The following ALKBH8 variants were observed in gnomAD, a reference collection of about 807,000 sequenced individuals.
The protein encoded by ALKBH8 is alkB homolog 8, tRNA methyltransferase.
Under a neutral mutation model 59.8 loss-of-function variants are expected in ALKBH8, and 36 were observed. The ratio of observed to expected loss-of-function variants is 0.60; its 90% CI spans 0.46 to 0.79. ALKBH8 has a LOEUF of 0.79. ALKBH8 is among the 30% of genes least tolerant of loss of function. ALKBH8 has a pLI of 0.00. For synonymous variants in ALKBH8, 276 were observed against 273.6 expected (o/e 1.01, Z -0.09); for missense variants, 768 against 801.0 (o/e 0.96, Z 0.50).
intron 8 of ALKBH8, among the ~76,000 whole-genome samples, chr11:107,526,890 T>C (rs1203498050): frequency 6.6e-6 from 1 of 151,996 alleles, no homozygotes; most frequent in Non-Finnish European, 1.5e-5. Flanking sequence ...CTTGTATGTA[T>C]GGAGTTATCT....
At chr11:107,545,368 CA>C (rs1864206066) in intron 7 of ALKBH8, among the ~76,000 whole-genome samples, 1 of 152,078 alleles carries the variant, frequency 6.6e-6, no homozygotes, top group Admixed American at 6.5e-5. Context: ...AAACAAAAAA[CA>C]ATGACTAAAA....
In ALKBH8 at chr11:107,553,054, CTAATA is replaced by C. The variant is rs1864560373; in HGVS notation, c.595+49_595+53del. 6 of 1,085,396 alleles carry C rather than the reference CTAATA, an allele frequency of 5.5e-6. No homozygotes were observed. The South Asian group carries it at 9.3e-5, about 17-fold the overall frequency. 67.2% of individuals were successfully genotyped at this position (1,085,396 alleles called of 1,614,324 possible). On this transcript the variant is annotated intron_variant, in intron 5 of 11. Transcript: ENST00000428149. ...ATAATCCCCCAACTATCATATTCTACTAATATATTAATATTTTTGAGCCAGAATTT... is the reference window on the plus strand; with the variant it reads ...ATAATCCCCCAACTATCATATTCTACTATTAATATTTTTGAGCCAGAATTT...
intron 7 of ALKBH8, among the ~76,000 whole-genome samples, chr11:107,544,950 A>G (rs1189016430): frequency 3.3e-5 from 5 of 152,166 alleles, no homozygotes; most frequent in Non-Finnish European, 7.4e-5. Flanking sequence ...AAAAATCATA[A>G]ATAAGCTATA....
In ALKBH8 at chr11:107,504,530, AT is replaced by A. The variant is rs1350941196; in HGVS notation, c.*127del. ...TCTCCTAATGAATCCCTACTTCCAAATTTTTCTCAGCTTTCCTTTGGTACTT... is the reference window on the plus strand; with the variant it reads ...TCTCCTAATGAATCCCTACTTCCAAATTTTCTCAGCTTTCCTTTGGTACTT... On this transcript the variant is annotated 3_prime_UTR_variant, in exon 12 of 12. Transcript: ENST00000428149. 8.1e-7 allele frequency: 1 copy of A among 1,231,976 alleles called. No individual in the cohort carries two copies. The allele number at this position is 1,231,976 out of a possible 1,614,324, so 76.3% of individuals were successfully genotyped here.
chr11:107,553,167 A>C lies in ALKBH8; in HGVS notation c.536T>G (p.Phe179Cys). ...KSLKHRRVKH[F>C]GYEFHYENNN... Reference sequence around the variant, plus strand: ...GTTCTCATAGTGGAACTCATAACCAAAATGCTTTACTCTTCTGTGTTTTAA... The same window carrying C: ...GTTCTCATAGTGGAACTCATAACCACAATGCTTTACTCTTCTGTGTTTTAA... The change falls in exon 5 of 12, where the codon TTT becomes TGT. Residue 179 changes from phenylalanine (F) to cysteine (C), a missense_variant. Phe to Cys is a radical substitution (Grantham distance 205, BLOSUM62 -2). Transcript: ENST00000428149. 6.2e-7 allele frequency: 1 copy of C among 1,610,082 alleles called. No homozygotes were observed. Among genetic ancestry groups the C allele is most frequent in the South Asian group, 1.1e-5 (1 of 90,412 alleles).
chr11:107,514,412 C>T (rs1862770513), intron 10 of ALKBH8, among the ~76,000 whole-genome samples: 1 of 152,104 alleles, frequency 6.6e-6, no homozygotes, highest in African/African-American at 2.4e-5. Context: ...TAAACAGCTT[C>T]TATATTTTAT....
At chr11:107,519,380 C>T (rs1863011046) in intron 10 of ALKBH8, among the ~76,000 whole-genome samples, 1 of 152,192 alleles carries the variant, frequency 6.6e-6, no homozygotes, top group East Asian at 1.9e-4. Flanking sequence ...GCTGGGATTA[C>T]AGGCATAAGC....
chr11:107,517,831 G>A (rs1235905745), intron 10 of ALKBH8, among the ~76,000 whole-genome samples: 3 of 152,188 alleles, frequency 2.0e-5, no homozygotes, highest in Non-Finnish European at 2.9e-5. Flanking sequence ...AAATTCCACA[G>A]ATCTACTGTA....
At chr11:107,515,165 T>C (rs914534190) in intron 10 of ALKBH8, among the ~76,000 whole-genome samples, 21 of 152,176 alleles carry the variant, frequency 1.4e-4, no homozygotes, top group African/African-American at 4.1e-4. Flanking sequence ...TCTTCCCTCT[T>C]TCCATTTTTA....
intron 10 of ALKBH8, among the ~76,000 whole-genome samples, chr11:107,517,260 GA>G (rs577777500): frequency 4.7e-4 from 72 of 152,174 alleles, no homozygotes; most frequent in Non-Finnish European, 9.0e-4. Flanking sequence ...AGAGACAAAA[GA>G]TAACAAACGG....
chr11:107,508,782 G>A (rs1328886390), intron 11 of ALKBH8, among the ~76,000 whole-genome samples: 1 of 152,072 alleles, frequency 6.6e-6, no homozygotes, highest in Non-Finnish European at 1.5e-5. Context: ...TTTTGCATCT[G>A]GCTTATTTCA....
intron 10 of ALKBH8, among the ~76,000 whole-genome samples, chr11:107,517,294 G>C (rs141541062): frequency 1.1e-3 from 161 of 152,222 alleles, no homozygotes; most frequent in African/African-American, 3.8e-3. Flanking sequence ...GGGGAAAAGG[G>C]AATCCTGGCA....
chr11:107,562,866 G>C (rs546849227), intron 1 of ALKBH8: 2 of 152,154 alleles, frequency 1.3e-5, no homozygotes, highest in Non-Finnish European at 2.9e-5. Context: ...AAAGAGGAAG[G>C]GTGAGTGAAA....
At chr11:107,519,763 C>T (rs927999021) in intron 10 of ALKBH8, among the ~76,000 whole-genome samples, 2 of 152,124 alleles carry the variant, frequency 1.3e-5, no homozygotes, top group East Asian at 1.9e-4. Flanking sequence ...TTCAAATTTT[C>T]GTATTAGGGA....
chr11:107,548,631 CACT>C (rs1864364091), intron 7 of ALKBH8, among the ~76,000 whole-genome samples: 1 of 152,104 alleles, frequency 6.6e-6, no homozygotes, highest in South Asian at 2.1e-4. Flanking sequence ...TATCAAACAC[CACT>C]AATTGTCAAG....
At chr11:107,546,575 C>T (rs526014) in intron 7 of ALKBH8, among the ~76,000 whole-genome samples, 114,666 of 152,082 alleles carry the variant, frequency 0.75, 44,396 homozygotes, top group South Asian at 0.85. Flanking sequence ...ATGAAATTAC[C>T]GACCTGAGCC....
chr11:107,512,227 C>T (rs972454004), intron 10 of ALKBH8, among the ~76,000 whole-genome samples: 1 of 152,112 alleles, frequency 6.6e-6, no homozygotes, highest in Non-Finnish European at 1.5e-5. Flanking sequence ...GACACACACA[C>T]ACACACACAT....
rs142835708 is a variant in ALKBH8, at chr11:107,532,407, C to T, written c.772-1G>A. On this transcript the variant is annotated splice_acceptor_variant, in intron 7 of 11. Transcript: ENST00000428149. LOFTEE classifies it high-confidence loss of function. ...CTGGGTGCTTAAAATCCATGACAAT[C>T]TTGAAGCAAAGATAAAAGCATAAAG... 1.2e-6 allele frequency: 2 copies of T among 1,611,370 alleles called. No homozygotes were observed. Among genetic ancestry groups the T allele is most frequent in the African/African-American group, 1.3e-5 (1 of 74,850 alleles).
In ALKBH8 at chr11:107,553,859, C is replaced by T. The variant is rs367778415; in HGVS notation, c.487G>A (p.Asp163Asn). ...LESVDWTEDT[D>N]NQNSQKSLKH... is the part of the protein sequence containing the mutation. ...AAGTTTTACTTACAGTTTTGATTGTCTGTATCTTCTGTCCAATCAACACTT... is the reference window on the plus strand; with the variant it reads ...AAGTTTTACTTACAGTTTTGATTGTTTGTATCTTCTGTCCAATCAACACTT... The change falls in exon 4 of 12, where the codon GAC becomes AAC. Residue 163 changes from aspartate to asparagine, a missense_variant. Coordinates refer to ENST00000428149, the MANE Select transcript of ALKBH8 (RefSeq NM_138775.3). The T allele has an allele frequency of 6.2e-7, 1 of 1,611,742 alleles. No individual in the cohort carries two copies.
Sources: gnomAD v4.1 joint callset for allele counts (sites outside exome capture counted in the v4.1 genomes callset) on GRCh38, gnomAD v4.1.1 for gene constraint, MANE v1.5 for transcripts, NCBI Gene and HGNC (gene_info 2026-07-23, HGNC 2026-07-21) for gene names.